Variants in PIGT observed in about 807,000 individuals in gnomAD.
PIGT encodes GPI-anchor transamidase component PIGT.
In PIGT, 57 loss-of-function variants were observed where a neutral mutation model predicts 66.7. The ratio of observed to expected loss-of-function variants is 0.86; its 90% CI spans 0.69 to 1.07. The LOEUF (loss-of-function observed/expected upper bound fraction) is 1.07, where lower values mean the gene tolerates loss of function less well. PIGT is among the 50% of genes least tolerant of loss of function. The pLI, the probability that PIGT is intolerant of heterozygous loss-of-function variation, is 0.00. For synonymous variants in PIGT, 362 were observed against 320.5 expected, an observed-to-expected ratio of 1.13 and a Z score of -1.38; for missense variants, 725 against 740.4, an observed-to-expected ratio of 0.98 and a Z score of 0.24.
chr20:45,419,529 C>T lies in PIGT; in HGVS notation c.620C>T (p.Ala207Val). 2 of 1,614,200 alleles carry T rather than the reference C, an allele frequency of 1.2e-6. No individual in the cohort carries two copies. The highest frequency in any genetic ancestry group is 2.7e-5 in the African/African-American group (2 of 75,064). The change falls in exon 5 of 12, where the codon GCA (alanine) becomes GTA (valine). Residue 207 changes from alanine (A) to valine (V), a missense_variant. Ala to Val is a moderately conservative substitution (Grantham distance 64). This residue lies in a region of PIGT where 559 missense variants were observed against 552.7 expected (regional missense o/e 1.01). Coordinates refer to ENST00000279036, the MANE Select transcript of PIGT (RefSeq NM_015937.6). ...GCAGGCCTCTCTGTGCTGCTGAAGG[C>T]AGATCGCTTGTTCCACACCAGCTAC... ...SKAGLSVLLK[A>V]DRLFHTSYHS...
intron 11 of PIGT, chr20:45,424,861 G>A: frequency 2.2e-6 from 1 of 460,376 alleles, no homozygotes; most frequent in South Asian, 2.3e-5. Context: ...AATGCCAAGT[G>A]CTTCTGAGAG....
rs544060107 is a variant in PIGT at position 45,426,139 on chromosome 20, G to A, written c.*313G>A. On this transcript the variant is annotated 3_prime_UTR_variant, in exon 12 of 12. Coordinates refer to ENST00000279036, the MANE Select transcript of PIGT (RefSeq NM_015937.6). ...AGATTTCCATCACCACAGAAAGGTC[G>A]GCTGGCAGCACTGGCCAAGGTGATG... is the stretch of plus-strand genomic sequence containing the variant. 65 of 424,452 alleles carry A rather than the reference G, an allele frequency of 1.5e-4. 3 individuals are homozygous for A. The highest frequency in any genetic ancestry group is 1.3e-3 in the South Asian group (47 of 36,452). 26.3% of individuals were successfully genotyped at this position (424,452 alleles called of 1,614,324 possible). A position where few individuals can be genotyped will look rare whatever the true frequency, so the allele number is the denominator to read the frequency against.
chr20:45,419,918 A>G, intron 5 of PIGT: 1 of 601,356 alleles, frequency 1.7e-6, no homozygotes, highest in South Asian at 2.0e-5. Context: ...TGATAGTAGA[A>G]TCCACTCCTA....
intron 3 of PIGT, 48 bp from the exon 4 acceptor site, chr20:45,419,247 G>A (rs1465029051): frequency 6.8e-7 from 1 of 1,478,974 alleles, no homozygotes; most frequent in East Asian, 2.3e-5. Flanking sequence ...TGGATCCCGA[G>A]GGGTCAGAGC....
At position 45,416,581 on chromosome 20, in the gene PIGT, G is replaced by A; in HGVS notation, c.252G>A (p.Glu84=). ...TGATCTCCAAGTATTCTCTACGGGA[G>A]CTGCACCTGTCATTCACACAAGGCT... The part of the protein sequence containing the change: ...GQLISKYSLR[E]LHLSFTQGFW... Residue 84 remains glutamate (E), a synonymous_variant, in exon 2 of 12, where the codon GAG becomes GAA. Coordinates refer to ENST00000279036, the MANE Select transcript of PIGT (RefSeq NM_015937.6). 7 of 1,614,212 alleles carry A rather than the reference G, an allele frequency of 4.3e-6. No individual in the cohort carries two copies. The highest frequency in any genetic ancestry group is 5.9e-6 in the Non-Finnish European group (7 of 1,180,036).
intron 11 of PIGT, chr20:45,425,187 CTTTCTTTCTTTCTTTCTTTCTCTT>C (rs1990656762): frequency 7.6e-6 from 1 of 131,428 alleles, no homozygotes; most frequent in African/African-American, 2.9e-5. Flanking sequence ...TTCTTTCTTT[CTTTCTTTCTTTCTTTCTTTCTCTT>C]TCTTTCTTTC....
chr20:45,423,924 GCGTCA>G (rs1212492661), intron 9 of PIGT: 1 of 392,158 alleles, frequency 2.5e-6, no homozygotes, highest in Non-Finnish European at 4.7e-6. Flanking sequence ...ACTTCTTCTT[GCGTCA>G]CATCAGGCAC....
Position 45,416,175 on chromosome 20 carries a change from C to G in PIGT, c.19C>G (p.Leu7Val), listed in dbSNP as rs1989950317. 2 of 1,577,164 alleles carry G rather than the reference C, an allele frequency of 1.3e-6. No homozygotes were observed. The highest frequency in any genetic ancestry group is 1.8e-5 in the Admixed American group (1 of 54,836). ...CGCAGGCATGGCGGCGGCTATGCCG[C>G]TTGCTCTGCTCGTCCTGTTGCTCCT... MAAAMPLALLVLLLLGP... is the reference protein window; with the variant it reads MAAAMPVALLVLLLLGP... The change falls in exon 1 of 12, where the codon CTT (leucine) becomes GTT (valine). Residue 7 changes from leucine (L) to valine (V), a missense_variant. Leu to Val is a conservative substitution (Grantham distance 32, BLOSUM62 1). This residue lies in a region of PIGT where 559 missense variants were observed against 552.7 expected (regional missense o/e 1.01). Transcript: ENST00000279036.
Position 45,424,481 on chromosome 20 carries a change from T to G in PIGT, c.1401-15T>G. The G allele has an allele frequency of 1.2e-6, 2 of 1,613,942 alleles. No individual in the cohort carries two copies. The highest frequency in any genetic ancestry group is 1.7e-6 in the Non-Finnish European group (2 of 1,179,772). On this transcript the variant is annotated splice_polypyrimidine_tract_variant and intron_variant, in intron 10 of 11. Coordinates refer to ENST00000279036, the MANE Select transcript of PIGT (RefSeq NM_015937.6). The stretch of plus-strand genomic sequence containing the variant: ...GCCAGATGGGAACACGGGCCATCTC[T>G]CTGCTTCTCTGTAGCCCATCTGTCC...
At chr20:45,423,533 A>G (rs1372296179) in intron 9 of PIGT, 1 of 151,934 alleles carries the variant, frequency 6.6e-6, no homozygotes, top group Admixed American at 6.6e-5. Context: ...TTTTTCTTTA[A>G]AATTACTAGA....
In PIGT at chr20:45,424,023, C is replaced by G. The variant is rs554734513; in HGVS notation, c.1235-193C>G. On this transcript the variant is annotated intron_variant, in intron 9 of 11. Coordinates refer to ENST00000279036, the MANE Select transcript of PIGT (RefSeq NM_015937.6). ...CCTAACAACCTCTCTTGATCGCATC[C>G]TGGGATCACTGCCCTGGAAACATCC... 967 of 601,884 alleles carry G rather than the reference C, an allele frequency of 1.6e-3. 4 individuals are homozygous for G. In the African/African-American group the frequency reaches 0.016, roughly 10 times the overall value. 37.3% of individuals were successfully genotyped at this position (601,884 alleles called of 1,614,324 possible). A position where few individuals can be genotyped will look rare whatever the true frequency, so the allele number is the denominator to read the frequency against.
intron 2 of PIGT, 77 bp from the exon 3 acceptor site, chr20:45,418,775 T>C: frequency 1.3e-6 from 2 of 1,570,568 alleles, no homozygotes; most frequent in Non-Finnish European, 1.8e-6. Context: ...ATCATAGGTT[T>C]AGCAGCCAGC....
At chr20:45,421,850 T>C in intron 9 of PIGT, 1 of 401,632 alleles carries the variant, frequency 2.5e-6, no homozygotes, top group East Asian at 4.5e-5. Context: ...CTTTTTCACT[T>C]ACTTTTGCCT....
chr20:45,422,606 T>A (rs1990439397), intron 9 of PIGT: 1 of 152,104 alleles, frequency 6.6e-6, no homozygotes, highest in African/African-American at 2.4e-5. Context: ...TGCCTTTAAT[T>A]TTTTCACAGA....
chr20:45,416,502 C>G lies in PIGT; in HGVS notation c.188-15C>G. ...CGAGGTGGGGATCGTCACTCACCTG[C>G]TCCCGTTTCCCCAGTGTCCCATTAC... On this transcript the variant is annotated splice_polypyrimidine_tract_variant and intron_variant, in intron 1 of 11. Coordinates refer to ENST00000279036, the MANE Select transcript of PIGT (RefSeq NM_015937.6). The G allele has an allele frequency of 1.2e-6, 2 of 1,611,884 alleles. No individual in the cohort carries two copies. Among genetic ancestry groups the G allele is most frequent in the South Asian group, 1.1e-5 (1 of 90,794 alleles).
At position 45,416,537 on chromosome 20, in the gene PIGT, C is replaced by T. The variant is rs1202824552; in HGVS notation, c.208C>T (p.Pro70Ser). 6.2e-7 allele frequency: 1 copy of T among 1,614,112 alleles called. No individual in the cohort carries two copies. Among genetic ancestry groups the T allele is most frequent in the African/African-American group, 1.3e-5 (1 of 75,050 alleles). ...CCCAGTGTCCCATTACAGGCTCTTTCCCAAAGCCCTGGGGCAGCTGATCTC... is the reference window on the plus strand; with the variant it reads ...CCCAGTGTCCCATTACAGGCTCTTTTCCAAAGCCCTGGGGCAGCTGATCTC... ...REGVSHYRLF[P>S]KALGQLISKY... The change falls in exon 2 of 12, where the codon CCC (proline) becomes TCC (serine). Residue 70 changes from proline to serine, a missense_variant. Transcript: ENST00000279036.
Position 45,418,910 on chromosome 20 carries a change from C to G in PIGT, c.424C>G (p.Leu142Val), listed in dbSNP as rs757652787. The G allele has an allele frequency of 1.2e-6, 2 of 1,613,952 alleles. No individual in the cohort carries two copies. Among genetic ancestry groups the G allele is most frequent in the Admixed American group, 3.3e-5 (2 of 60,000 alleles). The part of the protein sequence containing the change: ...NVLSGIFCAS[L>V]NFIDSTNTVT... ...CCTCTCAGGGATCTTCTGCGCCTCT[C>G]TCAACTTCATCGACTCCACCAACAC... The change falls in exon 3 of 12, where the codon CTC becomes GTC. Residue 142 changes from leucine to valine, a missense_variant. Transcript: ENST00000279036.
rs2145442739 is a variant in PIGT, at chr20:45,418,997, G to T, written c.493+18G>T. On this transcript the variant is annotated intron_variant, in intron 3 of 11. Transcript: ENST00000279036. ...GGCCAATGGTGAGATAACCCCTACAGCCCTTTCCTTCTTCCTCTTACCTCC... is the reference window on the plus strand; with the variant it reads ...GGCCAATGGTGAGATAACCCCTACATCCCTTTCCTTCTTCCTCTTACCTCC... 2 of 1,613,900 alleles carry T rather than the reference G, an allele frequency of 1.2e-6. No individual in the cohort carries two copies. The highest frequency in any genetic ancestry group is 2.2e-5 in the South Asian group (2 of 91,054).
chr20:45,420,794 C>T lies in PIGT; in HGVS notation c.1033+101C>T, dbSNP rs553272962. The T allele has an allele frequency of 2.0e-5, 25 of 1,223,724 alleles. No individual in the cohort carries two copies. The East Asian group carries it at 5.6e-4, about 28-fold the overall frequency. 75.8% of individuals were successfully genotyped at this position (1,223,724 alleles called of 1,614,324 possible). A position where few individuals can be genotyped will look rare whatever the true frequency, so the allele number is the denominator to read the frequency against. ...TTAGATGATTGGGTTGTATTTAGAC[C>T]AGATTTCCAGAGTCATATGCTGCTG... On this transcript the variant is annotated intron_variant, in intron 8 of 11. Coordinates refer to ENST00000279036, the MANE Select transcript of PIGT (RefSeq NM_015937.6).
Sources: gnomAD v4.1 joint callset for allele counts on GRCh38, gnomAD v4.1.1 for gene constraint, gnomAD v4.1.1 regional missense constraint, MANE v1.5 for transcripts, NCBI Gene and HGNC (gene_info 2026-07-23, HGNC 2026-07-21) for gene names.